The following HDAC9 variants were observed in gnomAD, a reference collection of about 807,000 sequenced individuals.
HDAC9 encodes MEF-2 interacting transcription repressor (MITR) protein.
A neutral mutation model predicts 139.4 loss-of-function variants in HDAC9; 41 were observed. The ratio of observed to expected loss-of-function variants is 0.29; its 90% CI spans 0.23 to 0.38. The LOEUF (loss-of-function observed/expected upper bound fraction) is 0.38. Ranked by LOEUF, HDAC9 falls within the 10% of genes least tolerant of loss-of-function variation. The pLI is 1.00. For synonymous variants in HDAC9, 517 were observed against 476.2 expected (o/e 1.09, Z -1.12); for missense variants, 1,147 against 1,297.0 (o/e 0.88, Z 1.78).
chr7:18,803,972 A>G (rs1474675987), intron 17 of HDAC9, among the ~76,000 whole-genome samples: 2 of 152,212 alleles, frequency 1.3e-5, no homozygotes, highest in African/African-American at 2.4e-5. Context: ...TACTGTGGTG[A>G]TCCAGACAGG....
At chr7:18,963,836 C>T (rs571808619) in intron 24 of HDAC9, among the ~76,000 whole-genome samples, 3 of 152,302 alleles carry the variant, frequency 2.0e-5, no homozygotes, top group African/African-American at 7.2e-5. Flanking sequence ...GACTTGCACA[C>T]CTAAGGCACT....
At chr7:18,906,629 A>G (rs1309512448) in intron 22 of HDAC9, among the ~76,000 whole-genome samples, 1 of 152,182 alleles carries the variant, frequency 6.6e-6, no homozygotes, top group Non-Finnish European at 1.5e-5. Flanking sequence ...AACAGTGGCA[A>G]AGGAAGCCCA....
chr7:18,453,889 A>T (rs980519833), intron 1 of HDAC9, among the ~76,000 whole-genome samples: 2 of 152,160 alleles, frequency 1.3e-5, no homozygotes, highest in Non-Finnish European at 2.9e-5. Context: ...GCCCAAAGAC[A>T]AAAGGGAAGG....
At chr7:18,891,036 C>G (rs1321126360) in intron 22 of HDAC9, among the ~76,000 whole-genome samples, 2 of 152,156 alleles carry the variant, frequency 1.3e-5, no homozygotes, top group African/African-American at 4.8e-5. Flanking sequence ...TATATAAAAT[C>G]CAGCTGTCTC....
intron 24 of HDAC9, among the ~76,000 whole-genome samples, chr7:18,956,936 CT>C (rs1254058457): frequency 6.6e-6 from 1 of 152,140 alleles, no homozygotes; most frequent in Non-Finnish European, 1.5e-5. Context: ...AAAATTCTTA[CT>C]GCGTTTTAAA....
intron 2 of HDAC9, among the ~76,000 whole-genome samples, chr7:18,164,174 GT>G (rs1389850474): frequency 2.6e-5 from 4 of 152,158 alleles, no homozygotes; most frequent in Non-Finnish European, 5.9e-5. Context: ...GAAATCTGAA[GT>G]TGAGGAAAGT....
At chr7:18,913,607 T>C (rs1000222018) in intron 22 of HDAC9, among the ~76,000 whole-genome samples, 3 of 152,078 alleles carry the variant, frequency 2.0e-5, no homozygotes, top group Non-Finnish European at 2.9e-5. Flanking sequence ...GCCTTCCTAA[T>C]TAATATTGAC....
chr7:18,835,540 G>A lies in HDAC9; in HGVS notation c.2540G>A (p.Arg847His). 6.2e-7 allele frequency: 1 copy of A among 1,613,688 alleles called. No individual in the cohort carries two copies. The highest frequency in any genetic ancestry group is 8.5e-7 in the Non-Finnish European group (1 of 1,179,674). The change falls in exon 20 of 26, where the codon CGC (arginine) becomes CAC (histidine). Residue 847 changes from arginine to histidine, a missense_variant. By Grantham distance (29) the Arg-to-His change is conservative. Transcript: ENST00000686413. ...AGCATCCTGTACATTTCACTCCATC[G>A]CTATGATGAAGGGAACTTTTTCCCT... Reference protein sequence around the residue: ...DPSILYISLHRYDEGNFFPGS... With the variant: ...DPSILYISLHHYDEGNFFPGS...
At chr7:18,095,553 T>G (rs1214912562) in intron 1 of HDAC9, among the ~76,000 whole-genome samples, 1 of 152,152 alleles carries the variant, frequency 6.6e-6, no homozygotes, top group Non-Finnish European at 1.5e-5. Flanking sequence ...AGGTTTGGCT[T>G]CCTAATGGGT....
Position 18,330,600 on chromosome 7 carries a change from A to C in HDAC9, c.-42+40085A>C, listed in dbSNP as rs187672515. Among the ~76,000 whole-genome samples the C allele has an allele frequency of 2.0e-4, 29 of 144,766 alleles. No individual in the cohort carries two copies. The East Asian group carries it at 5.4e-3, about 27-fold the overall frequency. The allele number at this position is 144,766 out of a possible 152,430, so 95.0% of individuals were successfully genotyped here. A position where few individuals can be genotyped will look rare whatever the true frequency, so the allele number is the denominator to read the frequency against. Reference sequence around the variant, plus strand: ...TTTATATTTCTATACCTCAGGAGGGAAAAAAAAAACAACCAAAAACTATTT... The same window carrying C: ...TTTATATTTCTATACCTCAGGAGGGCAAAAAAAAACAACCAAAAACTATTT... On this transcript the variant is annotated intron_variant, in intron 1 of 3. Coordinates refer to the HDAC9 transcript ENST00000413509.
chr7:18,117,342 C>T (rs1385328088), intron 1 of HDAC9, among the ~76,000 whole-genome samples: 2 of 151,762 alleles, frequency 1.3e-5, no homozygotes, highest in Non-Finnish European at 2.9e-5. Context: ...AAAAATTAGC[C>T]AGGCGTGGTG....
chr7:18,859,810 TCATA>T (rs1281608051), intron 21 of HDAC9, among the ~76,000 whole-genome samples: 1 of 63,854 alleles, frequency 1.6e-5, no homozygotes, highest in African/African-American at 5.9e-5. Flanking sequence ...GCTAACGCTC[TCATA>T]TATATATATA....
chr7:18,563,118 A>G (rs1347742378), intron 2 of HDAC9, among the ~76,000 whole-genome samples: 1 of 152,120 alleles, frequency 6.6e-6, no homozygotes, highest in Non-Finnish European at 1.5e-5. Context: ...GATGGCTAAG[A>G]AAGGTTTATT....
chr7:18,313,905 G>A (rs946324301), intron 1 of HDAC9, among the ~76,000 whole-genome samples: 1 of 152,132 alleles, frequency 6.6e-6, no homozygotes, highest in Non-Finnish European at 1.5e-5. Flanking sequence ...TTCACTTAGA[G>A]ACATTTGATA....
At chr7:18,656,858 C>T (rs777677636) in intron 11 of HDAC9, among the ~76,000 whole-genome samples, 2 of 152,070 alleles carry the variant, frequency 1.3e-5, no homozygotes, top group South Asian at 2.1e-4. Flanking sequence ...TGAGGAACCT[C>T]CAGACTGTTC....
intron 6 of HDAC9, among the ~76,000 whole-genome samples, chr7:18,600,632 T>C (rs1412865781): frequency 6.6e-6 from 1 of 152,230 alleles, no homozygotes; most frequent in African/African-American, 2.4e-5. Context: ...TTCACTGATC[T>C]ACTTGTCTGT....
chr7:18,190,805 T>C (rs904152234), intron 2 of HDAC9, among the ~76,000 whole-genome samples: 1 of 152,230 alleles, frequency 6.6e-6, no homozygotes, highest in African/African-American at 2.4e-5. Flanking sequence ...GATTTTTTGC[T>C]TCTCAGAAAT....
chr7:18,535,410 C>G (rs1810536101), intron 2 of HDAC9, among the ~76,000 whole-genome samples: 1 of 151,622 alleles, frequency 6.6e-6, no homozygotes, highest in African/African-American at 2.4e-5. Flanking sequence ...TGAGAAAGTT[C>G]CTAAAATAGA....
At chr7:18,206,229 G>T (rs755797533) in intron 2 of HDAC9, among the ~76,000 whole-genome samples, 3 of 152,048 alleles carry the variant, frequency 2.0e-5, no homozygotes, top group Non-Finnish European at 4.4e-5. Flanking sequence ...CTGTTAATTG[G>T]TAACAAGGAG....
Sources: gnomAD v4.1 joint callset for allele counts (sites outside exome capture counted in the v4.1 genomes callset) on GRCh38, gnomAD v4.1.1 for gene constraint, MANE v1.5 for transcripts, NCBI Gene and HGNC (gene_info 2026-07-23, HGNC 2026-07-21) for gene names.